KCNH7: variants seen among roughly 807,000 people sequenced by gnomAD.
KCNH7 encodes voltage-gated inwardly rectifying potassium channel KCNH7.
KCNH7 carries 49 observed loss-of-function variants against 120.8 expected under a neutral mutation model. That is an observed-to-expected ratio of 0.41 (90% confidence interval 0.32 to 0.51). KCNH7 has a LOEUF of 0.51. Ranked by LOEUF, KCNH7 falls within the 20% of genes least tolerant of loss-of-function variation. The pLI is 0.38. For missense variants in KCNH7, 1,097 were observed against 1,446.6 expected (o/e 0.76, Z 3.92); for synonymous variants, 547 against 516.1 (o/e 1.06, Z -0.81).
chr2:162,743,857 G>A (rs1357963832), intron 2 of KCNH7, among the ~76,000 whole-genome samples: 2 of 151,986 alleles, frequency 1.3e-5, no homozygotes, highest in African/African-American at 4.8e-5. Flanking sequence ...CATCTAAAGA[G>A]AAATAATATA....
rs540797222 is a variant in KCNH7 at position 162,780,714 on chromosome 2, T to G, written c.307+55823A>C. On this transcript the variant is annotated intron_variant, in intron 2 of 15. Coordinates refer to ENST00000332142, the MANE Select transcript of KCNH7 (RefSeq NM_033272.4). The stretch of plus-strand genomic sequence containing the variant: ...TGTAAAGTTAGTTACGTGTAAAATG[T>G]GTTAGAGTTCCAAACAATCGACTCA... Among the ~76,000 whole-genome samples, 10 of 152,286 alleles carry G rather than the reference T, an allele frequency of 6.6e-5. No individual in the cohort carries two copies. In the South Asian group the frequency reaches 2.1e-3, roughly 32 times the overall value.
At chr2:162,495,101 G>A (rs1690452754) in intron 6 of KCNH7, among the ~76,000 whole-genome samples, 1 of 152,058 alleles carries the variant, frequency 6.6e-6, no homozygotes, top group Non-Finnish European at 1.5e-5. Flanking sequence ...TTAACTTACG[G>A]CAATATATTT....
At chr2:162,590,178 G>A (rs1694163498) in intron 2 of KCNH7, among the ~76,000 whole-genome samples, 1 of 152,000 alleles carries the variant, frequency 6.6e-6, no homozygotes, top group Non-Finnish European at 1.5e-5. Flanking sequence ...AGCCTTTTAT[G>A]TAGAAATACA....
At chr2:162,518,607 C>T (rs546781844) in intron 3 of KCNH7, among the ~76,000 whole-genome samples, 1 of 151,638 alleles carries the variant, frequency 6.6e-6, no homozygotes, top group Non-Finnish European at 1.5e-5. Flanking sequence ...TTGGAACAGG[C>T]AGGAAGGAAG....
intron 5 of KCNH7, among the ~76,000 whole-genome samples, chr2:162,506,868 C>A (rs966133771): frequency 2.6e-5 from 4 of 151,726 alleles, no homozygotes; most frequent in African/African-American, 9.7e-5. Context: ...TTTGTGGGGG[C>A]ATTTTTTGTT....
chr2:162,473,189 G>A (rs1322878622), intron 6 of KCNH7, among the ~76,000 whole-genome samples: 1 of 151,568 alleles, frequency 6.6e-6, no homozygotes, highest in Non-Finnish European at 1.5e-5. Flanking sequence ...CCGGCACGTT[G>A]TGCACATGTA....
intron 2 of KCNH7, among the ~76,000 whole-genome samples, chr2:162,726,482 C>T (rs1687524592): frequency 6.6e-6 from 1 of 152,106 alleles, no homozygotes; most frequent in Non-Finnish European, 1.5e-5. Flanking sequence ...TGCAGTGGCG[C>T]CATCTCGGCT....
At chr2:162,772,573 G>T (rs975150950) in intron 2 of KCNH7, among the ~76,000 whole-genome samples, 5 of 151,990 alleles carry the variant, frequency 3.3e-5, no homozygotes, top group Non-Finnish European at 5.9e-5. Context: ...TTGGCCACAA[G>T]TATTAAAGTC....
chr2:162,601,937 T>C (rs997356147), intron 2 of KCNH7, among the ~76,000 whole-genome samples: 12 of 152,200 alleles, frequency 7.9e-5, no homozygotes, highest in African/African-American at 2.9e-4. Flanking sequence ...AAGAAATTAT[T>C]ACAAAATGTT....
intron 2 of KCNH7, among the ~76,000 whole-genome samples, chr2:162,550,845 C>A (rs941188814): frequency 6.6e-6 from 1 of 150,998 alleles, no homozygotes; most frequent in African/African-American, 2.4e-5. Context: ...TGAAAATGAG[C>A]TGAATATGGT....
intron 2 of KCNH7, among the ~76,000 whole-genome samples, chr2:162,745,290 T>C (rs1341023372): frequency 6.6e-6 from 1 of 152,156 alleles, no homozygotes. Context: ...TTCATTTACC[T>C]TAAAAGAGGC....
chr2:162,634,652 GT>G (rs1266351035), intron 2 of KCNH7, among the ~76,000 whole-genome samples: 1 of 151,972 alleles, frequency 6.6e-6, no homozygotes, highest in East Asian at 1.9e-4. Context: ...TGTCTCCGCG[GT>G]TCCAGTGCAA....
chr2:162,706,928 G>T (rs1268651562), intron 2 of KCNH7, among the ~76,000 whole-genome samples: 1 of 152,106 alleles, frequency 6.6e-6, no homozygotes, highest in Non-Finnish European at 1.5e-5. Flanking sequence ...TACAATTGGA[G>T]CGGGGAGCTT....
At chr2:162,480,812 G>A (rs952913294) in intron 6 of KCNH7, among the ~76,000 whole-genome samples, 1 of 152,128 alleles carries the variant, frequency 6.6e-6, no homozygotes, top group Admixed American at 6.5e-5. Flanking sequence ...AGCTTATATA[G>A]GGCAAGAAGT....
intron 6 of KCNH7, among the ~76,000 whole-genome samples, chr2:162,480,153 T>A (rs1037200570): frequency 1.5e-4 from 23 of 152,270 alleles, no homozygotes; most frequent in East Asian, 3.9e-4. Context: ...GTTTTTTTTT[T>A]AAATTTAAGC....
intron 2 of KCNH7, among the ~76,000 whole-genome samples, chr2:162,794,704 C>T (rs756774412): frequency 2.0e-5 from 3 of 151,886 alleles, no homozygotes; most frequent in East Asian, 1.9e-4. Context: ...CCTGAAGTTG[C>T]TCTATTAATT....
chr2:162,574,511 A>G (rs1020142668), intron 2 of KCNH7, among the ~76,000 whole-genome samples: 1 of 152,070 alleles, frequency 6.6e-6, no homozygotes, highest in Non-Finnish European at 1.5e-5. Flanking sequence ...AGTGCACTTG[A>G]AATGTAAGCT....
intron 2 of KCNH7, among the ~76,000 whole-genome samples, chr2:162,620,977 C>G (rs543570756): frequency 6.6e-6 from 1 of 152,018 alleles, no homozygotes; most frequent in African/African-American, 2.4e-5. Context: ...CCCAGTAAAT[C>G]GGGACATATG....
chr2:162,446,381 CTTG>C lies in KCNH7; in HGVS notation c.1188_1190del (p.Asn396del), dbSNP rs1279997443. 1 of 1,613,570 alleles carries C rather than the reference CTTG, an allele frequency of 6.2e-7. No individual in the cohort carries two copies. The highest frequency in any genetic ancestry group is 8.5e-7 in the Non-Finnish European group (1 of 1,179,776). ...AAGGGCTGTAGTGCAATATCGTAAA[CTTG>C]TTGATGCGTGGTGTCTGCAGTTTGT... On this transcript the variant is annotated inframe_deletion, in exon 7 of 16. Coordinates refer to ENST00000332142, the MANE Select transcript of KCNH7 (RefSeq NM_033272.4).
Sources: gnomAD v4.1 joint callset for allele counts (sites outside exome capture counted in the v4.1 genomes callset) on GRCh38, gnomAD v4.1.1 for gene constraint, MANE v1.5 for transcripts, NCBI Gene and HGNC (gene_info 2026-07-23, HGNC 2026-07-21) for gene names.